DNAAF4: variants seen among roughly 807,000 people sequenced by gnomAD.
DNAAF4 encodes the protein dynein assembly factor 4, axonemal.
DNAAF4 carries 43 observed loss-of-function variants against 51.8 expected under a neutral mutation model. That is an observed-to-expected ratio of 0.83 (90% CI 0.65 to 1.07). The LOEUF (loss-of-function observed/expected upper bound fraction) is 1.07. Ranked by LOEUF, DNAAF4 falls within the 50% of genes least tolerant of loss-of-function variation. The pLI is 0.00. For missense variants in DNAAF4, 581 were observed against 493.0 expected, an observed-to-expected ratio of 1.18 and a Z score of -1.69; for synonymous variants, 194 against 165.6, an observed-to-expected ratio of 1.17 and a Z score of -1.32.
intron 3 of DNAAF4, among the ~76,000 whole-genome samples, chr15:55,492,157 TCA>T (rs1360920589): frequency 7.9e-5 from 12 of 151,842 alleles, no homozygotes; most frequent in African/African-American, 2.9e-4. Context: ...ACGCAAGATC[TCA>T]CAGTTATCTT....
At chr15:55,504,242 C>G (rs886184123) in intron 1 of DNAAF4, among the ~76,000 whole-genome samples, 3 of 152,096 alleles carry the variant, frequency 2.0e-5, no homozygotes, top group African/African-American at 7.2e-5. Context: ...TCAAGGAGAA[C>G]TACAAAACAC....
At position 55,447,586 on chromosome 15, in the gene DNAAF4, G is replaced by A. The variant is rs944678709; in HGVS notation, c.783+2636C>T. ...GGAGGTCAGGAGCTGGAGACCAGCC[G>A]GGCCAACAGAGCAAAACCCCATCTC... On this transcript the variant is annotated intron_variant, in intron 6 of 9. Coordinates refer to ENST00000321149, the MANE Select transcript of DNAAF4 (RefSeq NM_130810.4). Among the ~76,000 whole-genome samples the A allele has an allele frequency of 3.6e-4, 55 of 151,366 alleles. No individual in the cohort carries two copies. The East Asian group carries it at 5.1e-3, about 14-fold the overall frequency.
chr15:55,502,072 C>T (rs916955163), intron 1 of DNAAF4, among the ~76,000 whole-genome samples: 6 of 151,814 alleles, frequency 4.0e-5, no homozygotes, highest in South Asian at 2.1e-4. Flanking sequence ...AAGTGGTGCT[C>T]ACCAAAAGGC....
chr15:55,430,033 T>A (rs182527277), downstream of DNAAF4, among the ~76,000 whole-genome samples: 88 of 152,292 alleles, frequency 5.8e-4, no homozygotes, highest in Admixed American at 2.0e-3. Context: ...ACTAGAAAAC[T>A]ATTTCACTCA....
chr15:55,454,887 A>G (rs933852080), intron 5 of DNAAF4, among the ~76,000 whole-genome samples: 4 of 152,112 alleles, frequency 2.6e-5, no homozygotes, highest in African/African-American at 9.7e-5. Flanking sequence ...TTTATTAAGC[A>G]TCAAGCTAGA....
chr15:55,421,909 ATAATAATAATAAT>A (rs939763014), intron 7 of DNAAF4, among the ~76,000 whole-genome samples: 1 of 106,254 alleles, frequency 9.4e-6, no homozygotes, highest in African/African-American at 5.8e-5. Flanking sequence ...TATAATAATA[ATAATAATAATAAT>A]AATAATAATA....
At chr15:55,435,612 C>T (rs2057595169) in intron 7 of DNAAF4, among the ~76,000 whole-genome samples, 1 of 152,158 alleles carries the variant, frequency 6.6e-6, no homozygotes, top group Admixed American at 6.6e-5. Flanking sequence ...AAATAGAAAA[C>T]ACCTTTAGCT....
At chr15:55,505,219 T>A (rs1179329283) in intron 1 of DNAAF4, among the ~76,000 whole-genome samples, 1 of 152,218 alleles carries the variant, frequency 6.6e-6, no homozygotes, top group Non-Finnish European at 1.5e-5. Flanking sequence ...CACAGTGAGA[T>A]ACCATCTCAC....
chr15:55,434,682 C>G (rs1304681256), intron 8 of DNAAF4, among the ~76,000 whole-genome samples: 1 of 151,824 alleles, frequency 6.6e-6, no homozygotes, highest in Non-Finnish European at 1.5e-5. Flanking sequence ...CCAGTAACAG[C>G]TGATTTTTAA....
rs936570908 is a variant in DNAAF4 at position 55,498,392 on chromosome 15, G to A, written c.-63C>T. ...TTCTTGCGCCTGCTTGGTTGCTAGG[G>A]AAGCTGGGGTTACCATGCGCCAGCC... On this transcript the variant is annotated 5_prime_UTR_variant, in exon 2 of 10. Coordinates refer to ENST00000321149, the MANE Select transcript of DNAAF4 (RefSeq NM_130810.4). 3.2e-5 allele frequency: 50 copies of A among 1,566,386 alleles called. No individual in the cohort carries two copies. The highest frequency in any genetic ancestry group is 4.0e-5 in the Non-Finnish European group (46 of 1,154,262).
chr15:55,502,198 G>C (rs887356002), intron 1 of DNAAF4, among the ~76,000 whole-genome samples: 2 of 152,246 alleles, frequency 1.3e-5, no homozygotes, highest in East Asian at 3.9e-4. Context: ...ACACATCATG[G>C]GGTGTCTCAG....
chr15:55,480,261 CTCTT>C (rs1021755869), intron 4 of DNAAF4, among the ~76,000 whole-genome samples: 1 of 152,242 alleles, frequency 6.6e-6, no homozygotes, highest in East Asian at 1.9e-4. Flanking sequence ...TATACTGTCT[CTCTT>C]TATTTCTCAG....
intron 7 of DNAAF4, chr15:55,418,242 C>A: frequency 2.6e-6 from 4 of 1,564,840 alleles, no homozygotes. Context: ...AGTACTTCAC[C>A]TTCAAATTCA....
chr15:55,421,944 A>AATG (rs1281001414), intron 7 of DNAAF4, among the ~76,000 whole-genome samples: 1 of 142,838 alleles, frequency 7.0e-6, no homozygotes, highest in Non-Finnish European at 1.5e-5. Flanking sequence ...TAATAATAAT[A>AATG]AAGGTCCCAG....
chr15:55,491,028 G>A, intron 4 of DNAAF4, 95 bp downstream of exon 4: 1 of 1,449,224 alleles, frequency 6.9e-7, no homozygotes, highest in South Asian at 1.3e-5. Context: ...AAAGTATGAA[G>A]AAAATGCTGA....
At chr15:55,506,235 C>T (rs1313665963) in intron 1 of DNAAF4, among the ~76,000 whole-genome samples, 1 of 152,138 alleles carries the variant, frequency 6.6e-6, no homozygotes, top group East Asian at 1.9e-4. Context: ...AAAAGAAACA[C>T]AACCCCACAA....
chr15:55,508,217 T>C lies in DNAAF4; in HGVS notation c.-351A>G, dbSNP rs1392093054. ...AGTCTGCTGGATCCATGGTGTGGGT[T>C]TGCATAATAGGAGAGGAATCCCATC... On this transcript the variant is annotated 5_prime_UTR_variant, in exon 1 of 10. Coordinates refer to ENST00000321149, the MANE Select transcript of DNAAF4 (RefSeq NM_130810.4). 6.6e-6 allele frequency: 1 copy of C among 152,230 alleles called. No homozygotes were observed. The highest frequency in any genetic ancestry group is 6.5e-5 in the Admixed American group (1 of 15,276). The allele number at this position is 152,230 out of a possible 1,614,324, so 9.4% of individuals were successfully genotyped here. A position where few individuals can be genotyped will look rare whatever the true frequency, so the allele number is the denominator to read the frequency against.
intron 4 of DNAAF4, among the ~76,000 whole-genome samples, chr15:55,488,853 C>T (rs746933969): frequency 1.3e-4 from 20 of 152,154 alleles, no homozygotes; most frequent in Non-Finnish European, 2.1e-4. Context: ...CTTCGGGAAG[C>T]CAAGACGGGC....
At chr15:55,496,111 TC>T (rs1170521516) in intron 3 of DNAAF4, among the ~76,000 whole-genome samples, 1 of 152,232 alleles carries the variant, frequency 6.6e-6, no homozygotes, top group South Asian at 2.1e-4. Flanking sequence ...GTGCCTGTAG[TC>T]CCAGCTACTT....
Sources: gnomAD v4.1 joint callset for allele counts (sites outside exome capture counted in the v4.1 genomes callset) on GRCh38, gnomAD v4.1.1 for gene constraint, MANE v1.5 for transcripts, NCBI Gene and HGNC (gene_info 2026-07-23, HGNC 2026-07-21) for gene names.